Variants in CLMP observed in about 807,000 individuals in gnomAD.
CLMP encodes the protein CXADR-like membrane protein.
CLMP carries 27 observed loss-of-function variants against 45.2 expected under a neutral mutation model. The ratio of observed to expected loss-of-function variants is 0.60; its 90% CI spans 0.44 to 0.82. CLMP has a LOEUF of 0.82. Among genes scored for constraint, CLMP ranks in the 40% least tolerant of loss-of-function variants. The pLI, the probability that CLMP is intolerant of heterozygous loss-of-function variation, is 0.00. For missense variants in CLMP, 403 were observed against 448.4 expected (o/e 0.90, Z 0.91); for synonymous variants, 167 against 171.4 (o/e 0.97, Z 0.20).
intron 1 of CLMP, among the ~76,000 whole-genome samples, chr11:123,150,507 GGAA>G: frequency 1.6e-5 from 2 of 124,436 alleles, no homozygotes; most frequent in Admixed American, 8.6e-5. Context: ...AAGGAAGGAA[GGAA>G]GGAAGGAAGG....
At chr11:123,092,868 G>C (rs1200036232) in intron 2 of CLMP, among the ~76,000 whole-genome samples, 1 of 149,044 alleles carries the variant, frequency 6.7e-6, no homozygotes, top group Non-Finnish European at 1.5e-5. Flanking sequence ...AAAGTGCTGA[G>C]ATTACAGGTG....
At chr11:123,121,178 T>C (rs1394606570) in intron 1 of CLMP, among the ~76,000 whole-genome samples, 1 of 151,562 alleles carries the variant, frequency 6.6e-6, no homozygotes, top group Non-Finnish European at 1.5e-5. Flanking sequence ...TGAGCAGGAC[T>C]TGTACAGTGG....
Position 123,073,458 on chromosome 11 carries a change from T to G in CLMP, c.*16A>C, listed in dbSNP as rs759019523. On this transcript the variant is annotated 3_prime_UTR_variant, in exon 7 of 7. Transcript: ENST00000448775. Reference sequence around the variant, plus strand: ...CCTGACTCCTAGGAAAGCGTGGGAGTCAAGTCCATTGTAATTCAGACCGTT... The same window carrying G: ...CCTGACTCCTAGGAAAGCGTGGGAGGCAAGTCCATTGTAATTCAGACCGTT... 1 of 1,589,190 alleles carries G rather than the reference T, an allele frequency of 6.3e-7. No individual in the cohort carries two copies. Among genetic ancestry groups the G allele is most frequent in the South Asian group, 1.1e-5 (1 of 87,994 alleles).
chr11:123,192,351 T>C (rs10892981), intron 1 of CLMP, among the ~76,000 whole-genome samples: 115,121 of 151,900 alleles, frequency 0.76, 44,248 homozygotes, highest in African/African-American at 0.89. Flanking sequence ...AACATTCCCC[T>C]ACCCCTATGC....
At chr11:123,122,101 C>T (rs1266752139) in intron 1 of CLMP, among the ~76,000 whole-genome samples, 1 of 152,140 alleles carries the variant, frequency 6.6e-6, no homozygotes, top group Non-Finnish European at 1.5e-5. Flanking sequence ...TTCAATCTAC[C>T]ACATTACCTA....
At chr11:123,106,985 C>T (rs964878062) in intron 1 of CLMP, among the ~76,000 whole-genome samples, 32 of 150,488 alleles carry the variant, frequency 2.1e-4, no homozygotes, top group African/African-American at 7.8e-4. Context: ...AGCCACTGCA[C>T]TCCAGCCTGG....
chr11:123,131,708 C>T (rs1160056762), intron 1 of CLMP, among the ~76,000 whole-genome samples: 1 of 151,178 alleles, frequency 6.6e-6, no homozygotes, highest in Admixed American at 6.6e-5. Flanking sequence ...CCCTGTCTCC[C>T]GGGTTTGAGT....
Position 123,074,688 on chromosome 11 carries a change from T to C in CLMP, c.821+14A>G, listed in dbSNP as rs764048098. On this transcript the variant is annotated intron_variant, in intron 6 of 6. Transcript: ENST00000448775. The stretch of plus-strand genomic sequence containing the variant: ...AACAGAAGCCCCGTAAAAGTAGGGA[T>C]GTGGGAGGTTTACCGAATTTCATTA... The C allele has an allele frequency of 3.7e-6, 6 of 1,613,206 alleles. No homozygotes were observed. The highest frequency in any genetic ancestry group is 1.7e-5 in the Admixed American group (1 of 59,934).
At chr11:123,150,540 C>CAAGG (rs1312588281) in intron 1 of CLMP, among the ~76,000 whole-genome samples, 7 of 78,656 alleles carry the variant, frequency 8.9e-5, no homozygotes, top group Admixed American at 3.1e-4. Flanking sequence ...AAGAAACAAG[C>CAAGG]AAGGAAGGAA....
intron 1 of CLMP, among the ~76,000 whole-genome samples, chr11:123,150,512 GAAGGAAGGAAGGAAGGAAAGAAACAAGC>G (rs1861314042): frequency 7.8e-6 from 1 of 128,170 alleles, no homozygotes; most frequent in African/African-American, 3.1e-5. Flanking sequence ...AGGAAGGAAG[GAAGGAAGGAAGGAAGGAAAGAAACAAGC>G]AAGGAAGGAA....
chr11:123,074,960 T>C, intron 5 of CLMP, 117 bp from the exon 6 acceptor site: 1 of 585,296 alleles, frequency 1.7e-6, no homozygotes, highest in Non-Finnish European at 2.3e-6. Flanking sequence ...GTTTGTTTTG[T>C]TTTTTTTTTT....
rs576608199 is a variant in CLMP, at chr11:123,104,936, T to A, written c.29-6984A>T. Reference sequence around the variant, plus strand: ...AGTGGCAGAATTGCAAGTAAGGGAATAGTCTCTGCTAGGATTCTGTTGCAG... The same window carrying A: ...AGTGGCAGAATTGCAAGTAAGGGAAAAGTCTCTGCTAGGATTCTGTTGCAG... On this transcript the variant is annotated intron_variant, in intron 1 of 6. Transcript: ENST00000448775. Among the ~76,000 whole-genome samples, 8 of 152,348 alleles carry A rather than the reference T, an allele frequency of 5.3e-5. No individual in the cohort carries two copies. The South Asian group carries it at 1.7e-3, about 32-fold the overall frequency.
chr11:123,088,625 T>C, intron 2 of CLMP, among the ~76,000 whole-genome samples: 1 of 152,084 alleles, frequency 6.6e-6, no homozygotes, highest in East Asian at 1.9e-4. Context: ...TTCTTGTTTA[T>C]TTTATTTATT....
chr11:123,118,865 C>G (rs1418508276), intron 1 of CLMP, among the ~76,000 whole-genome samples: 1 of 152,122 alleles, frequency 6.6e-6, no homozygotes, highest in Non-Finnish European at 1.5e-5. Context: ...AATGACCTAA[C>G]TATGAGTCTT....
At chr11:123,093,415 C>T (rs1865955653) in intron 2 of CLMP, among the ~76,000 whole-genome samples, 2 of 152,048 alleles carry the variant, frequency 1.3e-5, no homozygotes, top group East Asian at 1.9e-4. Flanking sequence ...GGTGCGATCT[C>T]GGCTCACTGT....
At chr11:123,103,968 T>C (rs1227515222) in intron 1 of CLMP, among the ~76,000 whole-genome samples, 1 of 151,274 alleles carries the variant, frequency 6.6e-6, no homozygotes, top group Non-Finnish European at 1.5e-5. Flanking sequence ...TAGCGGGGAT[T>C]ACAGGCATGC....
At chr11:123,121,747 G>A (rs979457307) in intron 1 of CLMP, among the ~76,000 whole-genome samples, 2 of 152,084 alleles carry the variant, frequency 1.3e-5, no homozygotes, top group Non-Finnish European at 1.5e-5. Flanking sequence ...ATAACCACTG[G>A]GGTTTCAGCC....
chr11:123,191,881 G>C (rs920338124), intron 1 of CLMP, among the ~76,000 whole-genome samples: 6 of 152,180 alleles, frequency 3.9e-5, no homozygotes, highest in Non-Finnish European at 8.8e-5. Context: ...TTCTAATGGG[G>C]TGTTAGATAA....
intron 5 of CLMP, among the ~76,000 whole-genome samples, chr11:123,075,414 T>A (rs1865726783): frequency 6.6e-6 from 1 of 151,780 alleles, no homozygotes; most frequent in South Asian, 2.1e-4. Context: ...TGAGAGGGAG[T>A]CTCGCTGTGT....
Sources: gnomAD v4.1 joint callset for allele counts (sites outside exome capture counted in the v4.1 genomes callset) on GRCh38, gnomAD v4.1.1 for gene constraint, MANE v1.5 for transcripts, NCBI Gene and HGNC (gene_info 2026-07-23, HGNC 2026-07-21) for gene names.